The following DPYSL3 variants were observed in gnomAD, a reference collection of about 807,000 sequenced individuals.
DPYSL3 encodes dihydropyrimidinase like 3.
DPYSL3 carries 16 observed loss-of-function variants against 66.1 expected under a neutral mutation model. The observed-to-expected ratio is 0.24, with a 90% CI of 0.16 to 0.37. The LOEUF (loss-of-function observed/expected upper bound fraction) is 0.37, where lower values mean the gene tolerates loss of function less well. DPYSL3 is among the 10% of genes least tolerant of loss of function. The probability of loss-of-function intolerance (pLI) is 1.00; values close to 1 mark genes in which losing one functional copy is unlikely to be tolerated. For missense variants in DPYSL3, 738 were observed against 916.2 expected, an observed-to-expected ratio of 0.81 and a Z score of 2.51; for synonymous variants, 338 against 345.1, an observed-to-expected ratio of 0.98 and a Z score of 0.23.
intron 1 of DPYSL3, among the ~76,000 whole-genome samples, chr5:147,498,362 A>C (rs773652414): frequency 4.6e-5 from 7 of 152,130 alleles, no homozygotes; most frequent in Non-Finnish European, 8.8e-5. Flanking sequence ...GGTTGATTCC[A>C]TGTCATTGCT....
chr5:147,486,650 G>C (rs1440784137), intron 1 of DPYSL3, among the ~76,000 whole-genome samples: 1 of 152,124 alleles, frequency 6.6e-6, no homozygotes, highest in Non-Finnish European at 1.5e-5. Flanking sequence ...GTACCTAATA[G>C]ATTTCTGACT....
At chr5:147,425,069 C>A (rs773331591) in intron 1 of DPYSL3, 106 bp from the exon 2 acceptor site, 9 of 793,708 alleles carry the variant, frequency 1.1e-5, no homozygotes, top group Non-Finnish European at 1.9e-5. Context: ...AGTAGAAACA[C>A]ATTTACCAAA....
At chr5:147,418,111 T>C (rs1407110938) in intron 3 of DPYSL3, among the ~76,000 whole-genome samples, 1 of 152,206 alleles carries the variant, frequency 6.6e-6, no homozygotes, top group African/African-American at 2.4e-5. Context: ...TAATGTTTCA[T>C]CTTCTATCCA....
At chr5:147,481,598 C>T (rs74799282) in intron 1 of DPYSL3, among the ~76,000 whole-genome samples, 35 of 152,292 alleles carry the variant, frequency 2.3e-4, no homozygotes, top group African/African-American at 4.8e-4. Flanking sequence ...GTATTGCAAA[C>T]GTAATCCCTA....
chr5:147,482,906 GA>G (rs1021319081), intron 1 of DPYSL3, among the ~76,000 whole-genome samples: 32 of 152,116 alleles, frequency 2.1e-4, no homozygotes, highest in African/African-American at 7.2e-4. Context: ...CAAGGAGGCA[GA>G]AAAAAGAAAG....
At chr5:147,506,985 T>G (rs1042290156) in intron 1 of DPYSL3, among the ~76,000 whole-genome samples, 1 of 152,214 alleles carries the variant, frequency 6.6e-6, no homozygotes, top group East Asian at 1.9e-4. Context: ...GCACACATCA[T>G]GTTCATTACT....
chr5:147,453,451 C>A, intron 1 of DPYSL3: 1 of 1,425,862 alleles, frequency 7.0e-7, no homozygotes, highest in Non-Finnish European at 9.2e-7. Context: ...CCCCGGGGAC[C>A]AGGCCAGAGA....
At chr5:147,502,402 T>C (rs1171283374) in intron 1 of DPYSL3, among the ~76,000 whole-genome samples, 9 of 135,024 alleles carry the variant, frequency 6.7e-5, no homozygotes, top group South Asian at 2.3e-4. Context: ...CACACACACA[T>C]ATACACACAG....
intron 6 of DPYSL3, among the ~76,000 whole-genome samples, chr5:147,410,761 G>A (rs1751835601): frequency 6.6e-6 from 1 of 152,142 alleles, no homozygotes; most frequent in Non-Finnish European, 1.5e-5. Context: ...TTGAATAAGT[G>A]CAGCAAGAAA....
chr5:147,452,726 C>T (rs1242409600), intron 1 of DPYSL3, among the ~76,000 whole-genome samples: 4 of 152,112 alleles, frequency 2.6e-5, no homozygotes, highest in Non-Finnish European at 4.4e-5. Context: ...ATCTGACACC[C>T]GCCAGTCGCG....
At chr5:147,438,670 A>T (rs1414703497) in intron 1 of DPYSL3, among the ~76,000 whole-genome samples, 1 of 152,234 alleles carries the variant, frequency 6.6e-6, no homozygotes, top group Non-Finnish European at 1.5e-5. Context: ...CAACAGGTGA[A>T]TAATCTTCTT....
chr5:147,479,870 T>C (rs1417390155), intron 1 of DPYSL3, among the ~76,000 whole-genome samples: 1 of 152,178 alleles, frequency 6.6e-6, no homozygotes, highest in Admixed American at 6.5e-5. Flanking sequence ...TATTGGGCAC[T>C]TGCAATCAGC....
At chr5:147,456,113 T>C (rs1453558762) in intron 1 of DPYSL3, among the ~76,000 whole-genome samples, 1 of 152,220 alleles carries the variant, frequency 6.6e-6, no homozygotes, top group Admixed American at 6.5e-5. Context: ...CAACAAACAC[T>C]ATTTTCCTTG....
intron 1 of DPYSL3, 43 bp from the exon 2 acceptor site, chr5:147,425,006 T>A: frequency 6.6e-7 from 1 of 1,504,478 alleles, no homozygotes; most frequent in Non-Finnish European, 9.2e-7. Flanking sequence ...CAGGTATGAT[T>A]TCAGAGAAGA....
chr5:147,395,539 G>C lies in DPYSL3; in HGVS notation c.1966+20C>G, dbSNP rs771396707. On this transcript the variant is annotated intron_variant, in intron 13 of 13. Transcript: ENST00000343218. ...CCCCTTCCCCCTTCTCTTATCTTTT[G>C]ATGAGCCTGTCCCACTCACCTGACA... 3 of 1,599,032 alleles carry C rather than the reference G, an allele frequency of 1.9e-6. No individual in the cohort carries two copies. Among genetic ancestry groups the C allele is most frequent in the East Asian group, 2.3e-5 (1 of 44,242 alleles).
Position 147,393,997 on chromosome 5 carries a change from T to G in DPYSL3, c.*38A>C. 2 of 1,602,716 alleles carry G rather than the reference T, an allele frequency of 1.2e-6. No individual in the cohort carries two copies. Among genetic ancestry groups the G allele is most frequent in the Non-Finnish European group, 1.7e-6 (2 of 1,171,396 alleles). ...GTACCATTTTGGCTTCAAAACAATC[T>G]CTTCTTGCTTCTGCCCCTCTCTTTG... On this transcript the variant is annotated 3_prime_UTR_variant, in exon 14 of 14. Coordinates refer to ENST00000343218, the MANE Select transcript of DPYSL3 (RefSeq NM_001197294.2).
At position 147,405,820 on chromosome 5, in the gene DPYSL3, G is replaced by A. The variant is rs1250845335; in HGVS notation, c.1033-90C>T. The A allele has an allele frequency of 5.4e-6, 8 of 1,494,492 alleles. No individual in the cohort carries two copies. In the Admixed American group the frequency reaches 1.6e-4, roughly 29 times the overall value. 92.6% of individuals were successfully genotyped at this position (1,494,492 alleles called of 1,614,324 possible). On this transcript the variant is annotated intron_variant, in intron 7 of 13. Coordinates refer to ENST00000343218, the MANE Select transcript of DPYSL3 (RefSeq NM_001197294.2). ...CCACGAACTGTGAGGATGCAGTGCT[G>A]CACAAAGGTTATGGATAATTTTGGC... is the stretch of plus-strand genomic sequence containing the variant.
chr5:147,410,107 A>C (rs1170302704), intron 6 of DPYSL3, among the ~76,000 whole-genome samples: 2 of 152,120 alleles, frequency 1.3e-5, no homozygotes, highest in African/African-American at 4.8e-5. Context: ...AATTTCTTCT[A>C]AAGTCTAGTG....
chr5:147,503,750 G>C (rs2126462547), intron 1 of DPYSL3, among the ~76,000 whole-genome samples: 1 of 152,296 alleles, frequency 6.6e-6, no homozygotes, highest in African/African-American at 2.4e-5. Context: ...TTACTATAGG[G>C]ACCATTTGGT....
Sources: gnomAD v4.1 joint callset for allele counts (sites outside exome capture counted in the v4.1 genomes callset) on GRCh38, gnomAD v4.1.1 for gene constraint, MANE v1.5 for transcripts, NCBI Gene and HGNC (gene_info 2026-07-23, HGNC 2026-07-21) for gene names.